NEGR1: variants seen among roughly 807,000 people sequenced by gnomAD.
The protein encoded by NEGR1 is neuronal growth regulator 1.
A neutral mutation model predicts 40.9 loss-of-function variants in NEGR1; 10 were observed. The observed-to-expected ratio is 0.24, with a 90% CI of 0.15 to 0.42. The LOEUF (loss-of-function observed/expected upper bound fraction) is 0.42, where lower values mean the gene tolerates loss of function less well. Ranked by LOEUF, NEGR1 falls within the 10% of genes least tolerant of loss-of-function variation. The pLI is 1.00. For missense variants in NEGR1, 352 were observed against 438.9 expected (o/e 0.80, Z 1.77); for synonymous variants, 185 against 166.8 (o/e 1.11, Z -0.84).
intron 2 of NEGR1, chr1:71,798,140 C>T (rs1426093879): frequency 6.6e-6 from 1 of 151,896 alleles, no homozygotes; most frequent in African/African-American, 2.4e-5. Flanking sequence ...AGAGAACGTG[C>T]TGTAGAGAAG....
intron 2 of NEGR1, among the ~76,000 whole-genome samples, chr1:71,933,577 A>C (rs1175613076): frequency 6.6e-6 from 1 of 152,072 alleles, no homozygotes; most frequent in East Asian, 1.9e-4. Context: ...TTAAGCTTGA[A>C]TAACATAAGA....
At chr1:71,782,062 G>T (rs1417084020) in intron 2 of NEGR1, among the ~76,000 whole-genome samples, 2 of 151,980 alleles carry the variant, frequency 1.3e-5, no homozygotes, top group Non-Finnish European at 2.9e-5. Context: ...GGTTTTTCTG[G>T]GTCTGCACTG....
chr1:72,246,013 A>T (rs1258738621), intron 1 of NEGR1, among the ~76,000 whole-genome samples: 1 of 152,158 alleles, frequency 6.6e-6, no homozygotes, highest in Non-Finnish European at 1.5e-5. Flanking sequence ...TAATATTCTT[A>T]CCAGTATTTG....
intron 6 of NEGR1, among the ~76,000 whole-genome samples, chr1:71,588,679 A>T (rs780855896): frequency 2.6e-5 from 4 of 152,190 alleles, no homozygotes; most frequent in Admixed American, 2.6e-4. Flanking sequence ...CCTACAGGCC[A>T]TGGAAGATAA....
At chr1:71,691,720 T>C (rs945896525) in intron 4 of NEGR1, among the ~76,000 whole-genome samples, 1 of 151,844 alleles carries the variant, frequency 6.6e-6, no homozygotes, top group African/African-American at 2.4e-5. Context: ...CATCCGGTCC[T>C]GCTTCACTCC....
chr1:72,189,760 A>G (rs999019864), intron 1 of NEGR1, among the ~76,000 whole-genome samples: 7 of 151,614 alleles, frequency 4.6e-5, no homozygotes, highest in Non-Finnish European at 1.0e-4. Context: ...AAGTAGATAT[A>G]GTAATAACCA....
chr1:71,560,804 T>C (rs1471789551), intron 6 of NEGR1, among the ~76,000 whole-genome samples: 1 of 151,456 alleles, frequency 6.6e-6, no homozygotes, highest in Non-Finnish European at 1.5e-5. Flanking sequence ...TCATATCCAT[T>C]GTCTTCCCTG....
At position 71,722,178 on chromosome 1, in the gene NEGR1, T is replaced by C. The variant is rs183763463; in HGVS notation, c.536-24039A>G. Among the ~76,000 whole-genome samples the C allele has an allele frequency of 4.2e-3, 642 of 152,200 alleles. 3 individuals carry two copies. Among genetic ancestry groups the C allele is most frequent in the Non-Finnish European group, 6.8e-3 (462 of 68,004 alleles). On this transcript the variant is annotated intron_variant, in intron 3 of 6. Coordinates refer to ENST00000357731, the MANE Select transcript of NEGR1 (RefSeq NM_173808.3). Reference sequence around the variant, plus strand: ...GGAGGCATGAGTAGAAAATGGAAGATAAGTTAGGAGGTAACAACTCACGAA... The same window carrying C: ...GGAGGCATGAGTAGAAAATGGAAGACAAGTTAGGAGGTAACAACTCACGAA...
At chr1:72,257,098 G>A (rs540721298) in intron 1 of NEGR1, among the ~76,000 whole-genome samples, 4 of 152,086 alleles carry the variant, frequency 2.6e-5, no homozygotes, top group South Asian at 2.1e-4. Flanking sequence ...CGAGGCGGGC[G>A]GATCACGAGG....
At chr1:72,269,923 C>T (rs987986246) in intron 1 of NEGR1, among the ~76,000 whole-genome samples, 17 of 151,664 alleles carry the variant, frequency 1.1e-4, no homozygotes, top group African/African-American at 4.1e-4. Flanking sequence ...ATAGAACATA[C>T]TTTCTCGATG....
chr1:71,985,265 T>C (rs540167510), intron 1 of NEGR1, among the ~76,000 whole-genome samples: 1 of 152,318 alleles, frequency 6.6e-6, no homozygotes, highest in African/African-American at 2.4e-5. Flanking sequence ...ATGTTAAAAT[T>C]TGAAATAATG....
intron 1 of NEGR1, among the ~76,000 whole-genome samples, chr1:72,097,894 G>A (rs991386345): frequency 2.0e-5 from 3 of 152,176 alleles, no homozygotes; most frequent in African/African-American, 4.8e-5. Flanking sequence ...AAGAAATCAA[G>A]AAAGTTTAAG....
chr1:71,875,704 T>C (rs1660408195), intron 2 of NEGR1, among the ~76,000 whole-genome samples: 1 of 152,168 alleles, frequency 6.6e-6, no homozygotes, highest in Non-Finnish European at 1.5e-5. Flanking sequence ...TCCTAGAGAC[T>C]GAAAACATCT....
chr1:72,267,927 G>A (rs34305371), intron 1 of NEGR1, among the ~76,000 whole-genome samples: 9,797 of 150,874 alleles, frequency 0.065, 400 homozygotes, highest in Non-Finnish European at 0.097. Flanking sequence ...AAATTTAGAG[G>A]AAAATCCATG....
chr1:71,533,160 AG>A (rs1463966054), intron 6 of NEGR1, among the ~76,000 whole-genome samples: 3 of 151,714 alleles, frequency 2.0e-5, no homozygotes, highest in Non-Finnish European at 4.4e-5. Flanking sequence ...TCCATATCCT[AG>A]ACTATAGCAT....
At position 71,699,469 on chromosome 1, in the gene NEGR1, T is replaced by G. The variant is rs1331178420; in HGVS notation, c.536-1330A>C. Among the ~76,000 whole-genome samples the G allele has an allele frequency of 2.0e-5, 3 of 151,920 alleles. No individual in the cohort carries two copies. In the South Asian group the frequency reaches 6.2e-4, roughly 31 times the overall value. ...AAATGTAAAACTTCTGAAGTGGTAGTTGGCTCTTTTAGTCTTATTTTCACT... is the reference window on the plus strand; with the variant it reads ...AAATGTAAAACTTCTGAAGTGGTAGGTGGCTCTTTTAGTCTTATTTTCACT... On this transcript the variant is annotated intron_variant, in intron 3 of 6. Coordinates refer to ENST00000357731, the MANE Select transcript of NEGR1 (RefSeq NM_173808.3).
intron 6 of NEGR1, among the ~76,000 whole-genome samples, chr1:71,483,586 A>G (rs1447660584): frequency 7.1e-6 from 1 of 140,280 alleles, no homozygotes; most frequent in African/African-American, 3.3e-5. Flanking sequence ...CTTTTAAGTC[A>G]TATGTGGCTC....
chr1:71,822,667 G>GA (rs1303761702), intron 2 of NEGR1, among the ~76,000 whole-genome samples: 8 of 151,894 alleles, frequency 5.3e-5, no homozygotes, highest in African/African-American at 1.9e-4. Context: ...AAAGGTCAGT[G>GA]GTTTATTCTC....
At chr1:71,969,884 T>G (rs949416028) in intron 1 of NEGR1, among the ~76,000 whole-genome samples, 5 of 152,240 alleles carry the variant, frequency 3.3e-5, no homozygotes, top group Admixed American at 6.5e-5. Flanking sequence ...CCTAGAGATA[T>G]TCTGGCTTCA....
Sources: gnomAD v4.1 joint callset for allele counts (sites outside exome capture counted in the v4.1 genomes callset) on GRCh38, gnomAD v4.1.1 for gene constraint, MANE v1.5 for transcripts, NCBI Gene and HGNC (gene_info 2026-07-23, HGNC 2026-07-21) for gene names.